The following PTPRC variants were observed in gnomAD, a reference collection of about 807,000 sequenced individuals.
The protein encoded by PTPRC is protein tyrosine phosphatase receptor type C.
PTPRC carries 44 observed loss-of-function variants against 155.9 expected under a neutral mutation model. The observed-to-expected ratio is 0.28, with a 90% confidence interval of 0.22 to 0.36. The LOEUF is 0.36. Ranked by LOEUF, PTPRC falls within the 10% of genes least tolerant of loss-of-function variation. The probability of loss-of-function intolerance (pLI) is 1.00; values close to 1 mark genes in which losing one functional copy is unlikely to be tolerated. For synonymous variants in PTPRC, 525 were observed against 533.1 expected, an observed-to-expected ratio of 0.98 and a Z score of 0.21; for missense variants, 1,401 against 1,564.6, an observed-to-expected ratio of 0.90 and a Z score of 1.76.
intron 2 of PTPRC, among the ~76,000 whole-genome samples, chr1:198,644,294 T>G (rs779381555): frequency 4.0e-5 from 6 of 151,892 alleles, no homozygotes; most frequent in Non-Finnish European, 5.9e-5. Flanking sequence ...AAAGGCTTAG[T>G]GCTATGACTT....
chr1:198,706,126 T>A (rs369705916), intron 8 of PTPRC, among the ~76,000 whole-genome samples: 2 of 152,208 alleles, frequency 1.3e-5, no homozygotes, highest in African/African-American at 4.8e-5. Context: ...TAAAAACAAA[T>A]GAATAAATTT....
At chr1:198,715,172 G>C (rs1653512483) in intron 12 of PTPRC, among the ~76,000 whole-genome samples, 1 of 152,090 alleles carries the variant, frequency 6.6e-6, no homozygotes. Context: ...GCCCAGGCTG[G>C]AGTGCAGTCA....
intron 23 of PTPRC, among the ~76,000 whole-genome samples, chr1:198,740,321 T>TAATC (rs932518301): frequency 6.6e-6 from 1 of 152,102 alleles, no homozygotes; most frequent in Non-Finnish European, 1.5e-5. Context: ...CTCATGCCTG[T>TAATC]AATCCCAGTA....
At chr1:198,721,785 G>C (rs1309392375) in intron 14 of PTPRC, among the ~76,000 whole-genome samples, 1 of 151,390 alleles carries the variant, frequency 6.6e-6, no homozygotes, top group Non-Finnish European at 1.5e-5. Context: ...ATATTTGTCA[G>C]ATTTATTATA....
In PTPRC at chr1:198,692,391, T is replaced by C. The variant is rs753595622; in HGVS notation, c.100+18T>C. 15 of 1,398,728 alleles carry C rather than the reference T, an allele frequency of 1.1e-5. No individual in the cohort carries two copies. Among genetic ancestry groups the C allele is most frequent in the Admixed American group, 5.1e-5 (2 of 38,936 alleles). The allele number at this position is 1,398,728 out of a possible 1,614,324, so 86.6% of individuals were successfully genotyped here. On this transcript the variant is annotated intron_variant, in intron 3 of 32. Coordinates refer to ENST00000442510, the MANE Select transcript of PTPRC (RefSeq NM_002838.5). ...CCCCACTGGTAAGAATTAATATTTA[T>C]ATTTTTACTAATTTTATTTTCTTGT...
chr1:198,680,458 A>G (rs1159314168), intron 2 of PTPRC, among the ~76,000 whole-genome samples: 1 of 152,120 alleles, frequency 6.6e-6, no homozygotes, highest in African/African-American at 2.4e-5. Flanking sequence ...CTCAGAAAAA[A>G]AAAAAAAAAT....
chr1:198,694,767 C>A, intron 3 of PTPRC: 1 of 947,860 alleles, frequency 1.1e-6, no homozygotes, highest in Non-Finnish European at 1.3e-6. Context: ...TCTCCCACCC[C>A]CTTTTCTTTT....
chr1:198,719,598 G>GT (rs1054123826), intron 14 of PTPRC, among the ~76,000 whole-genome samples: 8 of 151,484 alleles, frequency 5.3e-5, no homozygotes, highest in Non-Finnish European at 1.0e-4. Flanking sequence ...GTTTTGTTTT[G>GT]TTTGTTTGTT....
intron 14 of PTPRC, among the ~76,000 whole-genome samples, chr1:198,721,357 T>G (rs1653877277): frequency 1.3e-5 from 2 of 152,128 alleles, no homozygotes; most frequent in African/African-American, 4.8e-5. Context: ...TCCTTGTAAT[T>G]TTTTTTCATT....
chr1:198,680,187 T>C (rs1401051484), intron 2 of PTPRC, among the ~76,000 whole-genome samples: 1 of 152,212 alleles, frequency 6.6e-6, no homozygotes, highest in Non-Finnish European at 1.5e-5. Context: ...CTTCACAAAC[T>C]GTCTTGTTTA....
intron 2 of PTPRC, among the ~76,000 whole-genome samples, chr1:198,652,293 G>A (rs1442297754): frequency 6.6e-6 from 1 of 151,680 alleles, no homozygotes; most frequent in East Asian, 1.9e-4. Flanking sequence ...AGAAAGGGAG[G>A]GAGGGAGAGG....
At chr1:198,717,349 G>A (rs1461789740) in intron 13 of PTPRC, among the ~76,000 whole-genome samples, 3 of 152,062 alleles carry the variant, frequency 2.0e-5, no homozygotes, top group African/African-American at 7.3e-5. Context: ...TCCTTTCAAT[G>A]GCATTTGGCT....
At chr1:198,698,615 TTTAA>T (rs1666320782) in intron 4 of PTPRC, among the ~76,000 whole-genome samples, 2 of 152,028 alleles carry the variant, frequency 1.3e-5, no homozygotes, top group South Asian at 4.1e-4. Context: ...TAACATTAAA[TTTAA>T]TTATGTAATT....
chr1:198,751,541 TTTTAAAGGAATA>T, intron 29 of PTPRC, among the ~76,000 whole-genome samples: 1 of 152,126 alleles, frequency 6.6e-6, no homozygotes, highest in African/African-American at 2.4e-5. Flanking sequence ...ATGTTTTTTG[TTTTAAAGGAATA>T]TAAGTCCAGA....
Position 198,650,503 on chromosome 1 carries a change from A to G in PTPRC, c.73+11162A>G, listed in dbSNP as rs114659396. Among the ~76,000 whole-genome samples the G allele has an allele frequency of 8.2e-3, 1,247 of 151,960 alleles. 19 individuals are homozygous for G. Among genetic ancestry groups the G allele is most frequent in the African/African-American group, 0.027 (1,139 of 41,506 alleles). ...GGAAAAGACAAAGACATTTTAGAGA[A>G]TGACTTTTTTTCCCCATGAGCACTG... On this transcript the variant is annotated intron_variant, in intron 2 of 32. Coordinates refer to ENST00000442510, the MANE Select transcript of PTPRC (RefSeq NM_002838.5).
rs766956245 is a variant in PTPRC at position 198,752,298 on chromosome 1, T to A, written c.3257T>A (p.Ile1086Asn). Reference protein sequence around the residue: ...WGEGKQTYGDIEVDLKDTDKS... With the variant: ...WGEGKQTYGDNEVDLKDTDKS... ...GAAGGAAAGCAAACATATGGAGATATTGAAGTTGACCTGAAAGACACAGAC... is the reference window on the plus strand; with the variant it reads ...GAAGGAAAGCAAACATATGGAGATAATGAAGTTGACCTGAAAGACACAGAC... The change falls in exon 30 of 33, where the codon ATT (isoleucine) becomes AAT (asparagine). Residue 1086 changes from isoleucine (I) to asparagine (N), a missense_variant. By Grantham distance (149) the Ile-to-Asn change is moderately radical. Coordinates refer to ENST00000442510, the MANE Select transcript of PTPRC (RefSeq NM_002838.5). 3.1e-6 allele frequency: 5 copies of A among 1,611,800 alleles called. No homozygotes were observed. The highest frequency in any genetic ancestry group is 4.2e-6 in the Non-Finnish European group (5 of 1,178,438).
intron 10 of PTPRC, among the ~76,000 whole-genome samples, chr1:198,708,801 A>AGAT (rs3834077): frequency 0.051 from 7,839 of 152,274 alleles, 250 homozygotes; most frequent in East Asian, 0.14. Context: ...CTAATAATTG[A>AGAT]GATAGTATTT....
intron 23 of PTPRC, among the ~76,000 whole-genome samples, chr1:198,741,478 A>G (rs1210287948): frequency 6.6e-6 from 1 of 151,866 alleles, no homozygotes; most frequent in Non-Finnish European, 1.5e-5. Context: ...AAATCATTTT[A>G]AACACAAATC....
intron 23 of PTPRC, among the ~76,000 whole-genome samples, chr1:198,740,177 T>C (rs1351495417): frequency 6.6e-6 from 1 of 151,398 alleles, no homozygotes; most frequent in Non-Finnish European, 1.5e-5. Flanking sequence ...AAGAGCAAAC[T>C]GAACTGTAAA....
Sources: gnomAD v4.1 joint callset for allele counts (sites outside exome capture counted in the v4.1 genomes callset) on GRCh38, gnomAD v4.1.1 for gene constraint, MANE v1.5 for transcripts, NCBI Gene and HGNC (gene_info 2026-07-23, HGNC 2026-07-21) for gene names.